The following ADGRV1 variants were observed in gnomAD, a reference collection of about 807,000 sequenced individuals.
The protein encoded by ADGRV1 is adhesion G protein-coupled receptor V1, also known as G-protein coupled receptor 98.
Under a neutral mutation model 596.2 loss-of-function variants are expected in ADGRV1, and 359 were observed. The observed-to-expected ratio is 0.60, with a 90% CI of 0.55 to 0.66. ADGRV1 has a LOEUF of 0.66. Ranked by LOEUF, ADGRV1 falls within the 30% of genes least tolerant of loss-of-function variation. The pLI is 0.00. For synonymous variants in ADGRV1, 2,681 were observed against 2,679.2 expected (o/e 1.00, Z -0.02); for missense variants, 7,274 against 7,575.6 (o/e 0.96, Z 1.48).
At chr5:90,889,264 G>C (rs944655609) in intron 83 of ADGRV1, among the ~76,000 whole-genome samples, 1 of 152,046 alleles carries the variant, frequency 6.6e-6, no homozygotes, top group Non-Finnish European at 1.5e-5. Flanking sequence ...TCTTTATTAG[G>C]TTTGTCTTCT....
At chr5:90,725,726 A>G (rs772825772) in intron 48 of ADGRV1, 70 bp downstream of exon 48, 95 of 878,804 alleles carry the variant, frequency 1.1e-4, no homozygotes, top group Non-Finnish European at 1.6e-4. Flanking sequence ...GAAATTTACC[A>G]AAGGTATGGT....
At chr5:90,919,185 T>C (rs1347502491) in intron 83 of ADGRV1, among the ~76,000 whole-genome samples, 1 of 152,240 alleles carries the variant, frequency 6.6e-6, no homozygotes, top group Non-Finnish European at 1.5e-5. Flanking sequence ...CACAGAATCG[T>C]AAAGGAGCAT....
intron 73 of ADGRV1, among the ~76,000 whole-genome samples, chr5:90,808,436 T>C (rs1321078146): frequency 1.3e-5 from 2 of 152,238 alleles, no homozygotes; most frequent in Non-Finnish European, 2.9e-5. Flanking sequence ...AACTAGAGTG[T>C]ATTCAAGTAT....
chr5:90,624,688 A>T (rs561755120), intron 5 of ADGRV1, among the ~76,000 whole-genome samples: 1 of 152,158 alleles, frequency 6.6e-6, no homozygotes, highest in Non-Finnish European at 1.5e-5. Context: ...TTCACTGCTA[A>T]ATCTTTAGTA....
At chr5:90,910,547 TATATTATCTATC>T (rs1363612710) in intron 83 of ADGRV1, among the ~76,000 whole-genome samples, 10 of 140,784 alleles carry the variant, frequency 7.1e-5, no homozygotes, top group African/African-American at 2.7e-4. Flanking sequence ...TTTATATATA[TATATTATCTATC>T]TATCTATCTA....
chr5:90,964,783 TAA>T (rs1562009406), intron 83 of ADGRV1, among the ~76,000 whole-genome samples: 1 of 146,190 alleles, frequency 6.8e-6, no homozygotes, highest in African/African-American at 2.7e-5. Context: ...GTGTGCTGGT[TAA>T]AAAAGAGAGA....
chr5:91,001,293 G>A (rs1230196394), intron 85 of ADGRV1, among the ~76,000 whole-genome samples: 2 of 152,000 alleles, frequency 1.3e-5, no homozygotes, highest in Non-Finnish European at 2.9e-5. Flanking sequence ...ACCCAGGCTG[G>A]TCTTGTACTG....
intron 85 of ADGRV1, among the ~76,000 whole-genome samples, chr5:91,065,857 A>AAT (rs1787838903): frequency 6.6e-6 from 1 of 152,218 alleles, no homozygotes; most frequent in Non-Finnish European, 1.5e-5. Flanking sequence ...CATCTGGCGA[A>AAT]ATATAGGGAA....
Position 90,658,292 on chromosome 5 carries a change from T to G in ADGRV1, c.4752+14T>G, listed in dbSNP as rs557152314. 1 of 1,466,918 alleles carries G rather than the reference T, an allele frequency of 6.8e-7. No individual in the cohort carries two copies. Among genetic ancestry groups the G allele is most frequent in the African/African-American group, 1.4e-5 (1 of 71,086 alleles). The allele number at this position is 1,466,918 out of a possible 1,614,324, so 90.9% of individuals were successfully genotyped here. On this transcript the variant is annotated intron_variant, in intron 21 of 89. Transcript: ENST00000405460. ...TGTATACCAGAGGTAAGTAGTGAGC[T>G]TGGAGAATTTTGGATTTAAAAATTC...
At position 90,855,806 on chromosome 5, in the gene ADGRV1, G is replaced by C; in HGVS notation, c.17660G>C (p.Cys5887Ser). The C allele has an allele frequency of 6.2e-7, 1 of 1,609,314 alleles. No homozygotes were observed. Among genetic ancestry groups the C allele is most frequent in the Non-Finnish European group, 8.5e-7 (1 of 1,176,580 alleles). Residue 5887 changes from cysteine (C) to serine (S), a missense_variant, in exon 82 of 90, where the codon TGT becomes TCT. By Grantham distance (112) the Cys-to-Ser change is moderately radical. Transcript: ENST00000405460. ...ACTGCAGACTATGTGGAATGTGCCT[G>C]TTCACACATGTCTGTGTATGCTGTC... ...EETADYVECA[C>S]SHMSVYAVYA... is the part of the protein sequence containing the mutation.
chr5:90,820,794 C>G (rs891827203), intron 75 of ADGRV1, among the ~76,000 whole-genome samples: 1 of 152,182 alleles, frequency 6.6e-6, no homozygotes, highest in East Asian at 1.9e-4. Flanking sequence ...CGCTGTTAGT[C>G]TGATGGGCTT....
chr5:90,895,824 A>G (rs1265596992), intron 83 of ADGRV1, among the ~76,000 whole-genome samples: 2 of 152,220 alleles, frequency 1.3e-5, no homozygotes, highest in East Asian at 1.9e-4. Flanking sequence ...TCTGTAAGCA[A>G]GCAGTCAGGA....
rs764342698 is a variant in ADGRV1 at position 90,629,307 on chromosome 5, A to G, written c.1607A>G (p.Tyr536Cys). 1.2e-6 allele frequency: 2 copies of G among 1,613,660 alleles called. No individual in the cohort carries two copies. The highest frequency in any genetic ancestry group is 1.1e-5 in the South Asian group (1 of 91,060). ...ATTGAAAGCAGCCCAGGTGAACGATACTTATCCTTGAGTTTTACAAGACTA... is the reference window on the plus strand; with the variant it reads ...ATTGAAAGCAGCCCAGGTGAACGATGCTTATCCTTGAGTTTTACAAGACTA... ...QKIESSPGERYLSLSFTRLGG... is the reference protein window; with the variant it reads ...QKIESSPGERCLSLSFTRLGG... The change falls in exon 9 of 90, where the codon TAC becomes TGC. Residue 536 changes from tyrosine to cysteine, a missense_variant. Tyr to Cys is a radical substitution (Grantham distance 194). Transcript: ENST00000405460.
At chr5:90,658,929 G>T (rs1033686233) in intron 21 of ADGRV1, among the ~76,000 whole-genome samples, 3 of 152,160 alleles carry the variant, frequency 2.0e-5, no homozygotes, top group Admixed American at 6.5e-5. Context: ...ACCATGAAAG[G>T]ATGCCAAGGA....
At position 90,625,215 on chromosome 5, in the gene ADGRV1, T is replaced by C; in HGVS notation, c.644T>C (p.Ile215Thr). ...TTTCCCCCTGGCAGAGCAACAGTAA[T>C]TTATAACTTGACAGTACTCGATGAC... Reference protein sequence around the residue: ...ITFPPGRATVIYNLTVLDDEV... With the variant: ...ITFPPGRATVTYNLTVLDDEV... The change falls in exon 6 of 90, where the codon ATT becomes ACT. Residue 215 changes from isoleucine to threonine, a missense_variant. By Grantham distance (89) the Ile-to-Thr change is moderately conservative. Coordinates refer to ENST00000405460, the MANE Select transcript of ADGRV1 (RefSeq NM_032119.4). 3 of 1,612,886 alleles carry C rather than the reference T, an allele frequency of 1.9e-6. No homozygotes were observed. The highest frequency in any genetic ancestry group is 2.5e-6 in the Non-Finnish European group (3 of 1,179,080).
chr5:90,873,690 G>C (rs968431207), intron 83 of ADGRV1, among the ~76,000 whole-genome samples: 3 of 152,034 alleles, frequency 2.0e-5, no homozygotes, highest in African/African-American at 7.2e-5. Flanking sequence ...AGCTGCTCTG[G>C]AGGTTGAGAA....
chr5:90,822,849 C>T (rs1391652722), intron 75 of ADGRV1, among the ~76,000 whole-genome samples: 4 of 152,072 alleles, frequency 2.6e-5, no homozygotes, highest in Admixed American at 2.6e-4. Context: ...CTTCACATCC[C>T]TTGTAAGTTG....
intron 50 of ADGRV1, among the ~76,000 whole-genome samples, chr5:90,736,781 TTGTATTTC>T (rs1753281074): frequency 6.6e-6 from 1 of 151,990 alleles, no homozygotes; most frequent in East Asian, 1.9e-4. Flanking sequence ...TCTTGATCCT[TTGTATTTC>T]TGTATTTCTG....
At chr5:91,005,095 A>G (rs1782163159) in intron 85 of ADGRV1, among the ~76,000 whole-genome samples, 1 of 152,124 alleles carries the variant, frequency 6.6e-6, no homozygotes, top group African/African-American at 2.4e-5. Context: ...TATTTTGTAT[A>G]TTTTCTCAGA....
Sources: gnomAD v4.1 joint callset for allele counts (sites outside exome capture counted in the v4.1 genomes callset) on GRCh38, gnomAD v4.1.1 for gene constraint, MANE v1.5 for transcripts, NCBI Gene and HGNC (gene_info 2026-07-23, HGNC 2026-07-21) for gene names.